The following RPS6KL1 variants were observed in gnomAD, a reference collection of about 807,000 sequenced individuals.
RPS6KL1 encodes ribosomal protein S6 kinase like 1, also known as ribosomal protein S6 kinase-like 1.
In RPS6KL1, 41 loss-of-function variants were observed where a neutral mutation model predicts 57.0. That is an observed-to-expected ratio of 0.72 (90% CI 0.56 to 0.93). The LOEUF is 0.93. RPS6KL1 is among the 40% of genes least tolerant of loss of function. The probability of loss-of-function intolerance (pLI) is 0.00; values close to 1 mark genes in which losing one functional copy is unlikely to be tolerated. For synonymous variants in RPS6KL1, 287 were observed against 309.7 expected (o/e 0.93, Z 0.77); for missense variants, 697 against 727.7 (o/e 0.96, Z 0.49).
chr14:74,919,089 C>T (rs1321894097), intron 4 of RPS6KL1, among the ~76,000 whole-genome samples: 8 of 152,202 alleles, frequency 5.3e-5, no homozygotes, highest in Non-Finnish European at 8.8e-5. Flanking sequence ...GCAGGAGAAT[C>T]GCTTGAACCT....
chr14:74,916,582 G>A (rs1426803963), intron 5 of RPS6KL1, among the ~76,000 whole-genome samples: 1 of 152,118 alleles, frequency 6.6e-6, no homozygotes, highest in African/African-American at 2.4e-5. Flanking sequence ...TCAGGAGGCT[G>A]AGGTGCGAGG....
intron 4 of RPS6KL1, 91 bp downstream of exon 4, chr14:74,919,754 C>T (rs1347628574): frequency 7.0e-6 from 10 of 1,429,008 alleles, no homozygotes; most frequent in Non-Finnish European, 9.6e-6. Flanking sequence ...GCCCTGCAGC[C>T]CAGGGCGGGC....
intron 4 of RPS6KL1, among the ~76,000 whole-genome samples, chr14:74,919,057 T>C (rs1887345645): frequency 6.6e-6 from 1 of 152,154 alleles, no homozygotes; most frequent in Non-Finnish European, 1.5e-5. Flanking sequence ...TGCCTGTAAC[T>C]CCAGCTACTT....
At position 74,911,394 on chromosome 14, in the gene RPS6KL1, G is replaced by A. The variant is rs751378961; in HGVS notation, c.532-14C>T. ...CCTGGGTAGGCTCTGGGAGCAGCAG[G>A]GCAGGCAGATCAGCCGGGGACAGGC... is the stretch of plus-strand genomic sequence containing the variant. On this transcript the variant is annotated splice_polypyrimidine_tract_variant and intron_variant, in intron 6 of 11. Transcript: ENST00000557413. 3 of 1,599,008 alleles carry A rather than the reference G, an allele frequency of 1.9e-6. No homozygotes were observed. The highest frequency in any genetic ancestry group is 3.3e-5 in the Admixed American group (2 of 59,918).
chr14:74,917,300 G>A (rs1887010472), intron 5 of RPS6KL1, among the ~76,000 whole-genome samples: 1 of 152,252 alleles, frequency 6.6e-6, no homozygotes, highest in Non-Finnish European at 1.5e-5. Flanking sequence ...TCCAGAGGAA[G>A]AAACCACAGC....
chr14:74,909,878 G>A lies in RPS6KL1; in HGVS notation c.935C>T (p.Thr312Ile). Residue 312 changes from threonine (T) to isoleucine (I), a missense_variant, in exon 8 of 12, where the codon ACC (threonine) becomes ATC (isoleucine). Thr to Ile is a moderately conservative substitution (Grantham distance 89). Transcript: ENST00000557413. ...CTTTGGAAGGTCCGAGGAGCCAGAG[G>A]TGCTGGTCCTGGCTGTGGGTTCACC... ...AEGEPTARTS[T>I]SGSSDLPKAP... 1.9e-6 allele frequency: 3 copies of A among 1,613,940 alleles called. No homozygotes were observed. The highest frequency in any genetic ancestry group is 1.3e-5 in the African/African-American group (1 of 75,070).
At chr14:74,916,456 C>T (rs918239247) in intron 5 of RPS6KL1, among the ~76,000 whole-genome samples, 5 of 152,166 alleles carry the variant, frequency 3.3e-5, no homozygotes, top group African/African-American at 7.2e-5. Context: ...GAGGCCTAAA[C>T]GGAGGTGGAG....
At position 74,911,396 on chromosome 14, in the gene RPS6KL1, CA is replaced by C. The variant is rs1885952823; in HGVS notation, c.532-17del. 6.3e-7 allele frequency: 1 copy of C among 1,597,954 alleles called. No individual in the cohort carries two copies. Among genetic ancestry groups the C allele is most frequent in the Non-Finnish European group, 8.5e-7 (1 of 1,174,630 alleles). ...TGGGTAGGCTCTGGGAGCAGCAGGG[CA>C]GGCAGATCAGCCGGGGACAGGCCAG... On this transcript the variant is annotated splice_polypyrimidine_tract_variant and intron_variant, in intron 6 of 11. Transcript: ENST00000557413.
chr14:74,912,187 G>A (rs1009057358), intron 5 of RPS6KL1, among the ~76,000 whole-genome samples: 7 of 152,064 alleles, frequency 4.6e-5, no homozygotes, highest in East Asian at 1.9e-4. Flanking sequence ...CAGTATTCCC[G>A]GAGCCCTGCA....
At chr14:74,916,873 C>T (rs1007174509) in intron 5 of RPS6KL1, among the ~76,000 whole-genome samples, 5 of 152,206 alleles carry the variant, frequency 3.3e-5, no homozygotes, top group South Asian at 4.1e-4. Context: ...AACTTCAACT[C>T]GCTGTTTTCC....
In RPS6KL1 at chr14:74,922,304, G is replaced by A; in HGVS notation, c.-347C>T. The A allele has an allele frequency of 5.1e-6, 5 of 986,310 alleles. No individual in the cohort carries two copies. The highest frequency in any genetic ancestry group is 6.0e-6 in the Non-Finnish European group (5 of 830,558). 61.1% of individuals were successfully genotyped at this position (986,310 alleles called of 1,614,324 possible). A position where few individuals can be genotyped will look rare whatever the true frequency, so the allele number is the denominator to read the frequency against. ...TGCTGTTCCCTCCACCCTGCCTGTTGTCTCCTCCCTGCTCCTCCTGTGGGA... is the reference window on the plus strand; with the variant it reads ...TGCTGTTCCCTCCACCCTGCCTGTTATCTCCTCCCTGCTCCTCCTGTGGGA... On this transcript the variant is annotated 5_prime_UTR_variant, in exon 2 of 12. Coordinates refer to ENST00000557413, the MANE Select transcript of RPS6KL1 (RefSeq NM_031464.5).
intron 7 of RPS6KL1, chr14:74,910,945 C>G (rs1885845569): frequency 3.0e-6 from 1 of 330,078 alleles, no homozygotes. Context: ...GATCTTGGCT[C>G]ACTGCAACCT....
At chr14:74,920,864 T>A (rs997335890) in intron 3 of RPS6KL1, among the ~76,000 whole-genome samples, 1 of 152,066 alleles carries the variant, frequency 6.6e-6, no homozygotes, top group Admixed American at 6.5e-5. Context: ...TCAGGTGTAG[T>A]GGGCCAAGTA....
In RPS6KL1 at chr14:74,908,874, T is replaced by G; in HGVS notation, c.1419A>C (p.Leu473=). Residue 473 remains leucine, a synonymous_variant, in exon 10 of 12, where the codon CTA becomes CTC. Transcript: ENST00000557413. ...EACDWWSFGS[L]LYELLTGMAL... is the part of the protein sequence containing the mutation. The stretch of plus-strand genomic sequence containing the variant: ...CCATTCCCGTCAGCAGTTCATACAG[T>G]AGAGACCCAAAGCTCCACCAGTCAC... 2 of 1,614,106 alleles carry G rather than the reference T, an allele frequency of 1.2e-6. No individual in the cohort carries two copies. Among genetic ancestry groups the G allele is most frequent in the Non-Finnish European group, 1.7e-6 (2 of 1,180,008 alleles).
intron 5 of RPS6KL1, among the ~76,000 whole-genome samples, chr14:74,912,146 G>A (rs902736871): frequency 1.3e-5 from 2 of 152,182 alleles, no homozygotes; most frequent in Admixed American, 6.5e-5. Flanking sequence ...TCTTCACACT[G>A]TCTAATCTGT....
intron 3 of RPS6KL1, 39 bp downstream of exon 3, chr14:74,921,238 T>TTGCCCCCCCCCCCCCCCCCCCCCCCC: frequency 1.2e-6 from 1 of 840,176 alleles, no homozygotes. Context: ...CACTGGCCCT[T>TTGCCCCCCCCCCCCCCCCCCCCCCCC]CCCCACCCAC....
rs754865865 is a variant in RPS6KL1 at position 74,907,064 on chromosome 14, T to G, written c.1600A>C (p.Lys534Gln). 85 of 1,613,814 alleles carry G rather than the reference T, an allele frequency of 5.3e-5. No homozygotes were observed. Among genetic ancestry groups the G allele is most frequent in the Non-Finnish European group, 7.2e-5 (85 of 1,179,890 alleles). ...GMGEGGVSKL[K>Q]SHPFFSTIQW... Reference sequence around the variant, plus strand: ...ATGGTACTGAAAAAGGGATGGGACTTGAGTTTGCTGACACCACCTTCTCCC... The same window carrying G: ...ATGGTACTGAAAAAGGGATGGGACTGGAGTTTGCTGACACCACCTTCTCCC... Residue 534 changes from lysine (K) to glutamine (Q), a missense_variant, in exon 12 of 12, where the codon AAG becomes CAG. By Grantham distance (53) the Lys-to-Gln change is moderately conservative. Coordinates refer to ENST00000557413, the MANE Select transcript of RPS6KL1 (RefSeq NM_031464.5).
chr14:74,914,142 T>C (rs1385973995), intron 5 of RPS6KL1, among the ~76,000 whole-genome samples: 1 of 152,254 alleles, frequency 6.6e-6, no homozygotes, highest in Non-Finnish European at 1.5e-5. Flanking sequence ...AGGACCCTTT[T>C]CTCAGCAGGA....
chr14:74,920,018 C>T (rs1887566595), intron 3 of RPS6KL1, 49 bp from the exon 4 acceptor site: 1 of 1,612,346 alleles, frequency 6.2e-7, no homozygotes, highest in South Asian at 1.1e-5. Context: ...CCTCGGAGGG[C>T]TGGAGTTCCA....
Sources: allele counts gnomAD v4.1 joint callset (sites outside exome capture counted in the v4.1 genomes callset), GRCh38; gene constraint gnomAD v4.1.1; transcripts MANE v1.5; gene names NCBI Gene and HGNC (gene_info 2026-07-23, HGNC 2026-07-21).